ROBO2: variants seen among roughly 807,000 people sequenced by gnomAD.
The protein encoded by ROBO2 is roundabout homolog 2.
A neutral mutation model predicts 160.8 loss-of-function variants in ROBO2; 53 were observed. The observed-to-expected ratio is 0.33, with a 90% CI of 0.26 to 0.41. The LOEUF is 0.41. ROBO2 is among the 10% of genes least tolerant of loss of function. ROBO2 has a pLI of 1.00. For synonymous variants in ROBO2, 664 were observed against 611.7 expected (o/e 1.09, Z -1.26); for missense variants, 1,577 against 1,722.4 (o/e 0.92, Z 1.49).
intron 2 of ROBO2, among the ~76,000 whole-genome samples, chr3:76,356,818 A>C (rs927431766): frequency 6.6e-6 from 1 of 151,884 alleles, no homozygotes; most frequent in Non-Finnish European, 1.5e-5. Flanking sequence ...ATATTTTTTC[A>C]AGATCGTAGA....
intron 2 of ROBO2, among the ~76,000 whole-genome samples, chr3:76,114,459 A>G (rs2070373913): frequency 6.6e-6 from 1 of 152,158 alleles, no homozygotes; most frequent in African/African-American, 2.4e-5. Context: ...GAACATTAAC[A>G]TCAAATAATA....
intron 2 of ROBO2, among the ~76,000 whole-genome samples, chr3:76,493,787 A>G (rs1475874727): frequency 6.6e-6 from 1 of 152,166 alleles, no homozygotes; most frequent in Non-Finnish European, 1.5e-5. Flanking sequence ...GAGGCACTGA[A>G]TGCATCTCCC....
chr3:76,832,062 G>T (rs537974986), intron 2 of ROBO2, among the ~76,000 whole-genome samples: 1 of 152,260 alleles, frequency 6.6e-6, no homozygotes, highest in South Asian at 2.1e-4. Flanking sequence ...TGGATAAAAT[G>T]AATGTTGGGA....
Position 76,259,614 on chromosome 3 carries a change from T to C in ROBO2, c.109+322012T>C, listed in dbSNP as rs535564556. On this transcript the variant is annotated intron_variant, in intron 2 of 26. Coordinates refer to the ROBO2 transcript ENST00000487694. ...TTTCCTCCTGAACAGAAGAAGTACA[T>C]TTGTTTACTGTTCAGTATAGTAAAG... 3.3e-5 allele frequency among the ~76,000 whole-genome samples: 5 copies of C among 152,236 alleles called. No individual in the cohort carries two copies. The South Asian group carries it at 1.0e-3, about 32-fold the overall frequency.
chr3:77,569,898 CTT>C (rs1185129724), intron 13 of ROBO2, among the ~76,000 whole-genome samples: 1 of 151,870 alleles, frequency 6.6e-6, no homozygotes, highest in African/African-American at 2.4e-5. Flanking sequence ...TAGGATTACA[CTT>C]TCTTATTCCA....
chr3:76,965,025 T>C (rs2079965455), intron 2 of ROBO2, among the ~76,000 whole-genome samples: 1 of 152,236 alleles, frequency 6.6e-6, no homozygotes, highest in African/African-American at 2.4e-5. Flanking sequence ...TCTTTTGGTA[T>C]CTTCAAAAGT....
intron 2 of ROBO2, among the ~76,000 whole-genome samples, chr3:76,844,363 T>C (rs1559591788): frequency 6.6e-6 from 1 of 151,982 alleles, no homozygotes; most frequent in South Asian, 2.1e-4. Flanking sequence ...AATTAGAATA[T>C]ATAGAAAGAT....
chr3:76,203,846 G>A (rs185486804), intron 2 of ROBO2, among the ~76,000 whole-genome samples: 2 of 152,020 alleles, frequency 1.3e-5, no homozygotes, highest in African/African-American at 2.4e-5. Context: ...TCGGCTTCCC[G>A]GTCAACAGAT....
At chr3:77,264,048 CCAT>C (rs71104666) in intron 2 of ROBO2, among the ~76,000 whole-genome samples, 75,237 of 151,644 alleles carry the variant, frequency 0.5, 19,843 homozygotes, top group Middle Eastern at 0.7. Context: ...ATATTCACCA[CCAT>C]CATCATCACC....
intron 2 of ROBO2, among the ~76,000 whole-genome samples, chr3:77,181,693 A>AGAAAATG: frequency 6.6e-6 from 1 of 152,244 alleles, no homozygotes; most frequent in East Asian, 1.9e-4. Context: ...TGTAACTAAA[A>AGAAAATG]GAAAATGATG....
At chr3:76,649,943 C>T (rs1371562287) in intron 2 of ROBO2, among the ~76,000 whole-genome samples, 1 of 151,948 alleles carries the variant, frequency 6.6e-6, no homozygotes, top group Non-Finnish European at 1.5e-5. Flanking sequence ...TTATTATTAC[C>T]TTTTGAAGAG....
chr3:77,563,468 T>C lies in ROBO2; in HGVS notation c.1682+139T>C. ...AAGAATTGATCTCTTCTCTCTGACTTTATTCAAGAACAGAGTTAATTTTTT... is the reference window on the plus strand; with the variant it reads ...AAGAATTGATCTCTTCTCTCTGACTCTATTCAAGAACAGAGTTAATTTTTT... On this transcript the variant is annotated intron_variant, in intron 11 of 25. Transcript: ENST00000461745. 4 of 872,592 alleles carry C rather than the reference T, an allele frequency of 4.6e-6. No individual in the cohort carries two copies. In the South Asian group the frequency reaches 6.1e-5, roughly 13 times the overall value. The allele number at this position is 872,592 out of a possible 1,614,324, so 54.1% of individuals were successfully genotyped here.
chr3:77,553,177 A>C (rs1460687436), intron 8 of ROBO2, among the ~76,000 whole-genome samples: 2 of 151,904 alleles, frequency 1.3e-5, no homozygotes, highest in Non-Finnish European at 2.9e-5. Context: ...AAACAATGCC[A>C]TTATTATTCC....
intron 2 of ROBO2, among the ~76,000 whole-genome samples, chr3:76,206,567 TC>T (rs1247236485): frequency 6.6e-6 from 1 of 152,130 alleles, no homozygotes; most frequent in Non-Finnish European, 1.5e-5. Context: ...ATTTCCCTTA[TC>T]AAGTGCTCTG....
chr3:76,498,064 G>T (rs1447033793), intron 2 of ROBO2, among the ~76,000 whole-genome samples: 2 of 152,056 alleles, frequency 1.3e-5, no homozygotes, highest in Non-Finnish European at 2.9e-5. Context: ...TTGAAGATAG[G>T]TTTCAAGAAG....
At chr3:77,149,034 A>ATTTTTTT (rs71104654) in intron 2 of ROBO2, among the ~76,000 whole-genome samples, 3 of 126,122 alleles carry the variant, frequency 2.4e-5, no homozygotes, top group Non-Finnish European at 5.0e-5. Flanking sequence ...GACAAAGTAA[A>ATTTTTTT]TTTTTTTTTT....
chr3:77,252,076 T>C (rs370679932), intron 2 of ROBO2, among the ~76,000 whole-genome samples: 2 of 152,358 alleles, frequency 1.3e-5, no homozygotes, highest in Middle Eastern at 6.8e-3. Flanking sequence ...AGAAGCCATG[T>C]AGCACTTTGA....
chr3:76,264,821 T>G (rs548565038), intron 2 of ROBO2, among the ~76,000 whole-genome samples: 1 of 152,106 alleles, frequency 6.6e-6, no homozygotes, highest in African/African-American at 2.4e-5. Flanking sequence ...TTAAAGTGGC[T>G]TTTACTTTAC....
At chr3:77,386,920 T>C (rs564874080) in intron 2 of ROBO2, among the ~76,000 whole-genome samples, 1 of 152,088 alleles carries the variant, frequency 6.6e-6, no homozygotes, top group South Asian at 2.1e-4. Context: ...TTTTTATAAA[T>C]TAGTTCTGCT....
Sources: gnomAD v4.1 joint callset for allele counts (sites outside exome capture counted in the v4.1 genomes callset) on GRCh38, gnomAD v4.1.1 for gene constraint, MANE v1.5 for transcripts, NCBI Gene and HGNC (gene_info 2026-07-23, HGNC 2026-07-21) for gene names.